The following FANCC variants were observed in gnomAD, a reference collection of about 807,000 sequenced individuals.
FANCC encodes FA complementation group C.
Under a neutral mutation model 71.3 loss-of-function variants are expected in FANCC, and 55 were observed. That is an observed-to-expected ratio of 0.77 (90% confidence interval 0.62 to 0.97). FANCC has a LOEUF of 0.97. FANCC is among the 50% of genes least tolerant of loss of function. The pLI is 0.00. For synonymous variants in FANCC, 275 were observed against 244.9 expected, an observed-to-expected ratio of 1.12 and a Z score of -1.15; for missense variants, 678 against 670.9, an observed-to-expected ratio of 1.01 and a Z score of -0.12.
chr9:95,281,452 A>C (rs1400337026), intron 1 of FANCC, among the ~76,000 whole-genome samples: 1 of 152,184 alleles, frequency 6.6e-6, no homozygotes, highest in Non-Finnish European at 1.5e-5. Flanking sequence ...TGTACTTCAG[A>C]AATGAAGAAA....
intron 1 of FANCC, among the ~76,000 whole-genome samples, chr9:95,277,216 T>C (rs1012295012): frequency 1.2e-4 from 18 of 152,222 alleles, no homozygotes; most frequent in African/African-American, 3.9e-4. Context: ...TATTTTCACA[T>C]TGAAAATCTG....
intron 4 of FANCC, among the ~76,000 whole-genome samples, chr9:95,229,881 T>C (rs1829886473): frequency 1.3e-5 from 2 of 152,128 alleles, no homozygotes; most frequent in African/African-American, 4.8e-5. Context: ...CTGGGTAGTC[T>C]TACCTTTTAG....
At chr9:95,251,208 A>G (rs1423230517) in intron 1 of FANCC, among the ~76,000 whole-genome samples, 1 of 152,246 alleles carries the variant, frequency 6.6e-6, no homozygotes, top group Non-Finnish European at 1.5e-5. Flanking sequence ...CACTCAAAAA[A>G]TACTGAATTA....
rs75409484 is a variant in FANCC, at chr9:95,298,420, G to A, written c.-79+19106C>T. On this transcript the variant is annotated intron_variant, in intron 1 of 14. Coordinates refer to ENST00000289081, the MANE Select transcript of FANCC (RefSeq NM_000136.3). ...AAATGAAGAGGTCCAATAGGCAGTG[G>A]GTATGTGAGGAAGAGGTTAGGAAAC... 5.0e-3 allele frequency among the ~76,000 whole-genome samples: 757 copies of A among 152,262 alleles called. 3 individuals are homozygous for A. The highest frequency in any genetic ancestry group is 8.8e-3 in the Non-Finnish European group (597 of 68,020).
chr9:95,104,135 A>G (rs547525274), intron 14 of FANCC, among the ~76,000 whole-genome samples: 7 of 152,216 alleles, frequency 4.6e-5, no homozygotes, highest in Non-Finnish European at 7.3e-5. Context: ...AGAGGAACTG[A>G]CAAAGGCCAG....
chr9:95,163,087 C>T (rs1233035127), intron 6 of FANCC, among the ~76,000 whole-genome samples: 1 of 152,166 alleles, frequency 6.6e-6, no homozygotes, highest in Non-Finnish European at 1.5e-5. Flanking sequence ...TTAGGTCTTT[C>T]ATCTATTTTG....
At chr9:95,219,414 C>T (rs1379391948) in intron 4 of FANCC, among the ~76,000 whole-genome samples, 1 of 152,154 alleles carries the variant, frequency 6.6e-6, no homozygotes, top group Non-Finnish European at 1.5e-5. Flanking sequence ...GGGCTAACTA[C>T]TGAAGGTCTT....
intron 1 of FANCC, among the ~76,000 whole-genome samples, chr9:95,307,033 T>C (rs1835108174): frequency 6.6e-6 from 1 of 152,130 alleles, no homozygotes; most frequent in South Asian, 2.1e-4. Flanking sequence ...TACAGTTGCA[T>C]GTCACCACGC....
chr9:95,168,551 G>C (rs1825454841), intron 6 of FANCC, among the ~76,000 whole-genome samples: 2 of 152,216 alleles, frequency 1.3e-5, no homozygotes, highest in South Asian at 4.1e-4. Context: ...TTTTGTTCGA[G>C]ATGGCACCTT....
intron 1 of FANCC, among the ~76,000 whole-genome samples, chr9:95,287,396 A>G (rs527998153): frequency 5.3e-5 from 8 of 152,264 alleles, no homozygotes; most frequent in Non-Finnish European, 8.8e-5. Context: ...TTATGTTCAC[A>G]TTGGTTAATT....
chr9:95,171,259 A>G (rs1825661637), intron 5 of FANCC, 116 bp from the exon 6 acceptor site: 2 of 774,668 alleles, frequency 2.6e-6, no homozygotes, highest in East Asian at 5.3e-5. Context: ...CCATCTTCTC[A>G]TGTTTCACTC....
intron 4 of FANCC, among the ~76,000 whole-genome samples, chr9:95,216,193 T>C (rs766364557): frequency 4.3e-4 from 66 of 152,216 alleles, no homozygotes; most frequent in Non-Finnish European, 8.2e-4. Context: ...TTGTTACTGT[T>C]GTTTTAATGT....
rs730881719 is a variant in FANCC at position 95,126,536 on chromosome 9, T to A, written c.889A>T (p.Met297Leu). ...AAACAGTGTAACGTTTACCTGAACA[T>A]CTCATCAACAACCCGGAATATGGCA... is the stretch of plus-strand genomic sequence containing the variant. ...HPAIFRVVDE[M>L]FRCALLETDG... Residue 297 changes from methionine (M) to leucine (L), a missense_variant, in exon 9 of 15, where the codon ATG (methionine) becomes TTG (leucine). Transcript: ENST00000289081. The A allele has an allele frequency of 7.4e-6, 12 of 1,613,846 alleles. No homozygotes were observed. In the African/African-American group the frequency reaches 1.1e-4, roughly 14 times the overall value.
chr9:95,135,987 C>T (rs1827627283), intron 7 of FANCC, among the ~76,000 whole-genome samples: 1 of 152,238 alleles, frequency 6.6e-6, no homozygotes, highest in South Asian at 2.1e-4. Context: ...CTATCTCCTT[C>T]ACAGTGTTCT....
At chr9:95,285,983 T>C (rs1309179255) in intron 1 of FANCC, among the ~76,000 whole-genome samples, 1 of 152,212 alleles carries the variant, frequency 6.6e-6, no homozygotes, top group Non-Finnish European at 1.5e-5. Context: ...AATACAGCCA[T>C]ATGAAGGAAC....
At chr9:95,223,920 T>C (rs1829445988) in intron 4 of FANCC, among the ~76,000 whole-genome samples, 1 of 152,190 alleles carries the variant, frequency 6.6e-6, no homozygotes, top group Admixed American at 6.5e-5. Context: ...GAAGTGGTGG[T>C]GAGCCAAGAT....
At chr9:95,289,835 T>G (rs1833900176) in intron 1 of FANCC, among the ~76,000 whole-genome samples, 1 of 152,018 alleles carries the variant, frequency 6.6e-6, no homozygotes, top group Non-Finnish European at 1.5e-5. Context: ...TTATTTTTAT[T>G]TTTTGTGGAG....
intron 1 of FANCC, among the ~76,000 whole-genome samples, chr9:95,275,673 A>C (rs1832991655): frequency 1.3e-5 from 2 of 152,178 alleles, no homozygotes; most frequent in Admixed American, 1.3e-4. Context: ...TAGTCTATTA[A>C]AATCAACGAC....
chr9:95,237,128 C>G (rs2136027845), intron 4 of FANCC, among the ~76,000 whole-genome samples: 1 of 152,176 alleles, frequency 6.6e-6, no homozygotes, highest in East Asian at 1.9e-4. Flanking sequence ...TAATATGTTC[C>G]TAGACATCTT....
Sources: gnomAD v4.1 joint callset for allele counts (sites outside exome capture counted in the v4.1 genomes callset) on GRCh38, gnomAD v4.1.1 for gene constraint, MANE v1.5 for transcripts, NCBI Gene and HGNC (gene_info 2026-07-23, HGNC 2026-07-21) for gene names.